Variants in POLD3 observed in about 807,000 individuals in gnomAD.
The protein encoded by POLD3 is DNA polymerase delta 3, accessory subunit, also known as DNA polymerase delta subunit 3.
In POLD3, 19 loss-of-function variants were observed where a neutral mutation model predicts 58.2. That is an observed-to-expected ratio of 0.33 (90% CI 0.23 to 0.48). The LOEUF is 0.48. Ranked by LOEUF, POLD3 falls within the 20% of genes least tolerant of loss-of-function variation. The probability of loss-of-function intolerance (pLI) is 0.99; values close to 1 mark genes in which losing one functional copy is unlikely to be tolerated. For synonymous variants in POLD3, 172 were observed against 193.5 expected (o/e 0.89, Z 0.92); for missense variants, 504 against 545.5 (o/e 0.92, Z 0.76).
At chr11:74,617,347 G>A (rs1011457314) in intron 5 of POLD3, among the ~76,000 whole-genome samples, 5 of 152,176 alleles carry the variant, frequency 3.3e-5, no homozygotes, top group Non-Finnish European at 7.3e-5. Context: ...ACAAATGGCT[G>A]TAAAGGACTA....
intron 4 of POLD3, among the ~76,000 whole-genome samples, chr11:74,656,052 A>T (rs1182967387): frequency 6.6e-6 from 1 of 152,236 alleles, no homozygotes; most frequent in East Asian, 1.9e-4. Flanking sequence ...TTGTAAAATA[A>T]AAATAACATT....
chr11:74,623,065 T>C (rs1170807204), intron 7 of POLD3, among the ~76,000 whole-genome samples: 2 of 152,156 alleles, frequency 1.3e-5, no homozygotes, highest in Non-Finnish European at 2.9e-5. Flanking sequence ...AAATATTAAG[T>C]GAAAGAAGCC....
At chr11:74,593,751 AC>A (rs1178183365) in intron 1 of POLD3, among the ~76,000 whole-genome samples, 2 of 152,202 alleles carry the variant, frequency 1.3e-5, no homozygotes, top group African/African-American at 4.8e-5. Flanking sequence ...CCCAAAAAAA[AC>A]ATCATGAGGA....
At chr11:74,596,377 G>A (rs1235907460) in intron 2 of POLD3, among the ~76,000 whole-genome samples, 1 of 151,260 alleles carries the variant, frequency 6.6e-6, no homozygotes, top group Non-Finnish European at 1.5e-5. Flanking sequence ...GTAGAGTTGG[G>A]GTTTCACCAT....
chr11:74,595,263 C>T (rs918564192), intron 2 of POLD3: 2 of 148,608 alleles, frequency 1.3e-5, no homozygotes, highest in African/African-American at 4.9e-5. Context: ...TACCAACTAG[C>T]TCTACAGGTG....
At chr11:74,643,410 C>G (rs1405025772), downstream of POLD3, among the ~76,000 whole-genome samples, 2 of 152,070 alleles carry the variant, frequency 1.3e-5, no homozygotes, top group Non-Finnish European at 2.9e-5. Flanking sequence ...ATAATAGAAA[C>G]CATAGAATTT....
intron 2 of POLD3, among the ~76,000 whole-genome samples, chr11:74,598,604 G>A (rs1275235532): frequency 6.6e-6 from 1 of 152,148 alleles, no homozygotes; most frequent in Non-Finnish European, 1.5e-5. Context: ...CTGGAACCTG[G>A]TCATCTCTAG....
At chr11:74,605,481 T>C (rs2031643556) in intron 3 of POLD3, among the ~76,000 whole-genome samples, 1 of 152,162 alleles carries the variant, frequency 6.6e-6, no homozygotes, top group Non-Finnish European at 1.5e-5. Context: ...TGCTAAGATA[T>C]CTTGTTCCCT....
chr11:74,655,337 AT>A (rs1565134244), intron 4 of POLD3, among the ~76,000 whole-genome samples: 1 of 152,280 alleles, frequency 6.6e-6, no homozygotes, highest in Admixed American at 6.5e-5. Context: ...GACTCTATAG[AT>A]TTAGTCTAGG....
intron 2 of POLD3, 49 bp from the exon 3 acceptor site, chr11:74,604,643 T>C (rs2031614208): frequency 2.1e-6 from 2 of 968,308 alleles, no homozygotes; most frequent in Admixed American, 3.7e-5. Flanking sequence ...GTTGATCATG[T>C]AAAAACTCTT....
Position 74,640,938 on chromosome 11 carries a change from C to A in POLD3, c.*172C>A, listed in dbSNP as rs2032897526. ...TTCTGGTTTTTAACCAAAAGGAAAT[C>A]ATCTGGAAGCAGGAGGCAAAAAGCT... On this transcript the variant is annotated 3_prime_UTR_variant, in exon 12 of 12. Coordinates refer to ENST00000263681, the MANE Select transcript of POLD3 (RefSeq NM_006591.3). 7.9e-7 allele frequency: 1 copy of A among 1,261,020 alleles called. No homozygotes were observed. Among genetic ancestry groups the A allele is most frequent in the Non-Finnish European group, 1.0e-6 (1 of 1,004,558 alleles). 78.1% of individuals were successfully genotyped at this position (1,261,020 alleles called of 1,614,324 possible).
intron 9 of POLD3, among the ~76,000 whole-genome samples, chr11:74,634,138 T>G (rs2032677149): frequency 6.6e-6 from 1 of 152,192 alleles, no homozygotes; most frequent in Admixed American, 6.5e-5. Flanking sequence ...TGGATTGACT[T>G]AGGCTTAAAA....
intron 7 of POLD3, among the ~76,000 whole-genome samples, chr11:74,623,584 G>A (rs561269426): frequency 6.6e-6 from 1 of 152,230 alleles, no homozygotes; most frequent in African/African-American, 2.4e-5. Flanking sequence ...CAACTAAAAC[G>A]CTGAATGTAA....
chr11:74,654,877 G>T (rs774032004), intron 4 of POLD3, among the ~76,000 whole-genome samples: 4 of 152,234 alleles, frequency 2.6e-5, no homozygotes, highest in Non-Finnish European at 5.9e-5. Flanking sequence ...TGAAGTTGAG[G>T]TCCTGGTTGG....
At chr11:74,631,179 G>A (rs1200673646) in intron 9 of POLD3, among the ~76,000 whole-genome samples, 1 of 152,128 alleles carries the variant, frequency 6.6e-6, no homozygotes, top group African/African-American at 2.4e-5. Flanking sequence ...CTGTTACACT[G>A]AATATGTCAT....
intron 2 of POLD3, among the ~76,000 whole-genome samples, chr11:74,597,213 C>T (rs1024220874): frequency 6.6e-5 from 10 of 152,336 alleles, no homozygotes; most frequent in Non-Finnish European, 1.0e-4. Context: ...TTCCCACCAA[C>T]AATGTATAAG....
At chr11:74,634,770 T>TGG (rs2032699993) in intron 10 of POLD3, 75 bp downstream of exon 10, 1 of 845,324 alleles carries the variant, frequency 1.2e-6, no homozygotes, top group African/African-American at 1.7e-5. Flanking sequence ...TATGCTAAAT[T>TGG]AGTTCCCTTG....
chr11:74,663,596 C>G (rs1231173139), intron 4 of POLD3, among the ~76,000 whole-genome samples: 2 of 152,050 alleles, frequency 1.3e-5, no homozygotes, highest in African/African-American at 4.8e-5. Flanking sequence ...AAAAGCAATT[C>G]AATGTGGAAA....
intron 4 of POLD3, among the ~76,000 whole-genome samples, chr11:74,662,229 T>C (rs1176714233): frequency 6.6e-6 from 1 of 152,190 alleles, no homozygotes; most frequent in East Asian, 1.9e-4. Context: ...CCTTTACTTT[T>C]CCCTCTTCTT....
Sources: allele counts gnomAD v4.1 joint callset (sites outside exome capture counted in the v4.1 genomes callset), GRCh38; gene constraint gnomAD v4.1.1; transcripts MANE v1.5; gene names NCBI Gene and HGNC (gene_info 2026-07-23, HGNC 2026-07-21).